The following GRAMD4 variants were observed in gnomAD, a reference collection of about 807,000 sequenced individuals.
GRAMD4 encodes GRAM domain containing 4, also known as GRAM domain-containing protein 4.
GRAMD4 carries 25 observed loss-of-function variants against 83.9 expected under a neutral mutation model. The ratio of observed to expected loss-of-function variants is 0.30; its 90% CI spans 0.22 to 0.42. The LOEUF is 0.42. Among genes scored for constraint, GRAMD4 ranks in the 10% least tolerant of loss-of-function variants. The probability of loss-of-function intolerance (pLI) is 1.00; values close to 1 mark genes in which losing one functional copy is unlikely to be tolerated. For missense variants in GRAMD4, 593 were observed against 788.7 expected (o/e 0.75, Z 2.97); for synonymous variants, 336 against 320.9 (o/e 1.05, Z -0.50).
chr22:46,634,292 G>A (rs926568600), intron 2 of GRAMD4, among the ~76,000 whole-genome samples: 1 of 152,194 alleles, frequency 6.6e-6, no homozygotes, highest in East Asian at 1.9e-4. Context: ...CCTTGCAACC[G>A]CTGTGGGCAG....
At chr22:46,619,501 C>T (rs2081545059), upstream of GRAMD4, among the ~76,000 whole-genome samples, 2 of 152,176 alleles carry the variant, frequency 1.3e-5, no homozygotes, top group Middle Eastern at 3.2e-3. Context: ...ACCACGCTGG[C>T]TCATGTTCTT....
At chr22:46,588,187 C>T (rs1403306710) in intron 1 of GRAMD4, among the ~76,000 whole-genome samples, 1 of 152,064 alleles carries the variant, frequency 6.6e-6, no homozygotes. Context: ...TCACCCCCAG[C>T]CACCCCATCT....
downstream of GRAMD4, among the ~76,000 whole-genome samples, chr22:46,680,750 C>A (rs1302499424): frequency 6.7e-5 from 9 of 133,916 alleles, no homozygotes; most frequent in African/African-American, 1.7e-4. Flanking sequence ...ACCCATCCAT[C>A]CATCCACCCA....
At chr22:46,654,847 G>T (rs9616086) in intron 3 of GRAMD4, among the ~76,000 whole-genome samples, 1 of 152,106 alleles carries the variant, frequency 6.6e-6, no homozygotes, top group Non-Finnish European at 1.5e-5. Context: ...GGTGTGTTGG[G>T]CACAAGTCAG....
chr22:46,651,854 G>T (rs1041787535), intron 3 of GRAMD4, among the ~76,000 whole-genome samples: 2 of 152,164 alleles, frequency 1.3e-5, no homozygotes, highest in Non-Finnish European at 2.9e-5. Context: ...AGGTGGGGGG[G>T]AGAGAGACGG....
In GRAMD4 at chr22:46,636,052, C is replaced by G. The variant is rs1226598236; in HGVS notation, c.163-1788C>G. Among the ~76,000 whole-genome samples, 5 of 152,294 alleles carry G rather than the reference C, an allele frequency of 3.3e-5. No individual in the cohort carries two copies. The South Asian group carries it at 8.3e-4, about 25-fold the overall frequency. On this transcript the variant is annotated intron_variant, in intron 2 of 18. Coordinates refer to ENST00000406902, the MANE Select transcript of GRAMD4 (RefSeq NM_015124.5). ...CACCTTCATGGGGACGTTTAGCCCC[C>G]GGGGTCTGTCCTGGGGCCCCAGCTG...
rs970748142 is a variant in GRAMD4 at position 46,659,463 on chromosome 22, C to T, written c.404+1156C>T. On this transcript the variant is annotated intron_variant, in intron 4 of 18. Coordinates refer to ENST00000406902, the MANE Select transcript of GRAMD4 (RefSeq NM_015124.5). This position sits in a 1 kb window ranked among gnomAD's most constrained non-coding sequence, Gnocchi z 4.1. ...CCCCATGACCTGCATGGATGGCTGTCACCAGTTAGGGAGGCACACGGCATC... is the reference window on the plus strand; with the variant it reads ...CCCCATGACCTGCATGGATGGCTGTTACCAGTTAGGGAGGCACACGGCATC... Among the ~76,000 whole-genome samples the T allele has an allele frequency of 6.6e-6, 1 of 152,198 alleles. No homozygotes were observed. The highest frequency in any genetic ancestry group is 2.4e-5 in the African/African-American group (1 of 41,434).
intron 1 of GRAMD4, among the ~76,000 whole-genome samples, chr22:46,608,172 T>C (rs1203469096): frequency 4.6e-5 from 7 of 152,170 alleles, no homozygotes; most frequent in Admixed American, 3.3e-4. Context: ...TAGTCCCTAG[T>C]AGATGGCGAG....
rs997417740 is a variant in GRAMD4 at position 46,620,852 on chromosome 22, C to G, written c.-50+287C>G. ...AGGGCCGGCAAGAGGAGGAGCCTCC[C>G]AGGAAGCCCCTCAGAACCTGACAGG... On this transcript the variant is annotated intron_variant, in intron 1 of 18. Coordinates refer to ENST00000406902, the MANE Select transcript of GRAMD4 (RefSeq NM_015124.5). The surrounding 1 kb of genome is among the most constrained non-coding windows in gnomAD (Gnocchi z 4.7). Among the ~76,000 whole-genome samples the G allele has an allele frequency of 6.6e-6, 1 of 152,106 alleles. No individual in the cohort carries two copies. Among genetic ancestry groups the G allele is most frequent in the African/African-American group, 2.4e-5 (1 of 41,414 alleles).
intron 2 of GRAMD4, among the ~76,000 whole-genome samples, chr22:46,633,908 A>G (rs2081817707): frequency 6.6e-6 from 1 of 152,166 alleles, no homozygotes; most frequent in Non-Finnish European, 1.5e-5. Context: ...CCCGGTTAGA[A>G]AATTCATGAT....
In GRAMD4 at chr22:46,620,774, CA is replaced by C. The variant is rs1475718924; in HGVS notation, c.-50+210del. On this transcript the variant is annotated intron_variant, in intron 1 of 18. Coordinates refer to ENST00000406902, the MANE Select transcript of GRAMD4 (RefSeq NM_015124.5). The surrounding 1 kb of genome is among the most constrained non-coding windows in gnomAD (Gnocchi z 4.7). ...GTAAAGCACCTGCGCAGCCCGGGGC[CA>C]GGGGTCCAGTGAGGAAGGGTGGAGG... is the stretch of plus-strand genomic sequence containing the variant. Among the ~76,000 whole-genome samples the C allele has an allele frequency of 6.6e-6, 1 of 152,166 alleles. No individual in the cohort carries two copies. The highest frequency in any genetic ancestry group is 2.4e-5 in the African/African-American group (1 of 41,428).
Position 46,677,243 on chromosome 22 carries a change from G to A in GRAMD4, c.1729G>A (p.Asp577Asn). The change falls in exon 19 of 19, where the codon GAC (aspartate) becomes AAC (asparagine). Residue 577 changes from aspartate (D) to asparagine (N), a missense_variant. By Grantham distance (23) the Asp-to-Asn change is conservative. Transcript: ENST00000406902. ...CACCTCAGCGGCAGCGTCTGGCGGG[G>A]ACAGCTAGTATTGACTTGCCCAGGA... ...KITSAAASGG[D>N]S 23 of 1,611,986 alleles carry A rather than the reference G, an allele frequency of 1.4e-5. No individual in the cohort carries two copies. Among genetic ancestry groups the A allele is most frequent in the Non-Finnish European group, 1.9e-5 (22 of 1,179,414 alleles).
chr22:46,662,401 G>A (rs2082340786), intron 5 of GRAMD4, among the ~76,000 whole-genome samples: 1 of 152,250 alleles, frequency 6.6e-6, no homozygotes, highest in South Asian at 2.1e-4. Flanking sequence ...GGGAGGGACT[G>A]GCTTGCACCC....
downstream of GRAMD4, among the ~76,000 whole-genome samples, chr22:46,680,817 T>TCCAG (rs1334982433): frequency 2.3e-3 from 175 of 76,660 alleles, 1 homozygote; most frequent in Non-Finnish European, 3.1e-3. Context: ...CATCCATCCA[T>TCCAG]CCATCCATCC....
At chr22:46,658,349 C>T in intron 4 of GRAMD4, 42 bp downstream of exon 4, 2 of 1,526,412 alleles carry the variant, frequency 1.3e-6, no homozygotes, top group Non-Finnish European at 1.8e-6. Context: ...GTGCGGCTGC[C>T]CCAACCCCCC....
At chr22:46,630,022 T>C (rs1328293386) in intron 2 of GRAMD4, among the ~76,000 whole-genome samples, 1 of 152,032 alleles carries the variant, frequency 6.6e-6, no homozygotes, top group Non-Finnish European at 1.5e-5. Context: ...ACATTTTCTT[T>C]TTCTTATTCT....
chr22:46,623,308 G>C (rs973432811), intron 1 of GRAMD4, among the ~76,000 whole-genome samples: 1 of 152,244 alleles, frequency 6.6e-6, no homozygotes, highest in South Asian at 2.1e-4. Flanking sequence ...CTGAGTTGTG[G>C]GGTGGCCGGT....
At position 46,644,897 on chromosome 22, in the gene GRAMD4, CTTTTTTTTTTTTTTTT is replaced by C. The variant is rs35677843; in HGVS notation, c.283+6955_283+6970del. ...ATAGGCACATTGCACTGCACATGGC[CTTTTTTTTTTTTTTTT>C]TTTTTTTTTTTTTTTTTGTGGAGAC... On this transcript the variant is annotated intron_variant, in intron 3 of 18. Coordinates refer to ENST00000406902, the MANE Select transcript of GRAMD4 (RefSeq NM_015124.5). Among the ~76,000 whole-genome samples the C allele has an allele frequency of 5.4e-4, 22 of 41,014 alleles. No homozygotes were observed. In the East Asian group the frequency reaches 9.7e-3, roughly 18 times the overall value. 26.9% of individuals were successfully genotyped at this position (41,014 alleles called of 152,430 possible).
At chr22:46,650,627 G>A (rs776606551) in intron 3 of GRAMD4, among the ~76,000 whole-genome samples, 17 of 152,262 alleles carry the variant, frequency 1.1e-4, no homozygotes, top group Non-Finnish European at 2.2e-4. Context: ...CTGGGGAGGC[G>A]TGAAGGCTGG....
Sources: allele counts gnomAD v4.1 joint callset (sites outside exome capture counted in the v4.1 genomes callset), GRCh38; gene constraint gnomAD v4.1.1; non-coding constraint Gnocchi (gnomAD v3.1); transcripts MANE v1.5; gene names NCBI Gene and HGNC (gene_info 2026-07-23, HGNC 2026-07-21).